The following IL33 variants were observed in gnomAD, a reference collection of about 807,000 sequenced individuals.
IL33 encodes the protein interleukin-33.
In IL33, 37 loss-of-function variants were observed where a neutral mutation model predicts 27.3. The observed-to-expected ratio is 1.36, with a 90% CI of 1.04 to 1.78. The LOEUF (loss-of-function observed/expected upper bound fraction) is 1.78, where lower values mean the gene tolerates loss of function less well. Among genes scored for constraint, IL33 ranks in the 40% most tolerant of loss-of-function variants. The pLI is 0.00. For missense variants in IL33, 406 were observed against 311.4 expected (o/e 1.30, Z -2.29); for synonymous variants, 132 against 102.9 (o/e 1.28, Z -1.71).
intron 1 of IL33, among the ~76,000 whole-genome samples, chr9:6,233,841 C>G (rs1467690149): frequency 6.6e-6 from 1 of 152,090 alleles, no homozygotes; most frequent in African/African-American, 2.4e-5. Flanking sequence ...TTTCTTTGTT[C>G]CCTTTCATTA....
rs376854757 is a variant in IL33 at position 6,252,958 on chromosome 9, T to C, written c.436T>C (p.Tyr146His). 1.9e-6 allele frequency: 3 copies of C among 1,579,072 alleles called. No homozygotes were observed. The highest frequency in any genetic ancestry group is 1.7e-6 in the Non-Finnish European group (2 of 1,154,064). Residue 146 changes from tyrosine to histidine, a missense_variant, in exon 5 of 8, where the codon TAT (tyrosine) becomes CAT (histidine). By Grantham distance (83) the Tyr-to-His change is moderately conservative. Transcript: ENST00000682010. The stretch of plus-strand genomic sequence containing the variant: ...TTTGGAGGATGAAAGTTATGAGATA[T>C]ATGTTGAAGACTTGAAAAAAGATGA... ...FALEDESYEI[Y>H]VEDLKKDEKK...
chr9:6,255,492 A>G (rs2130476768), intron 7 of IL33, among the ~76,000 whole-genome samples: 1 of 152,166 alleles, frequency 6.6e-6, no homozygotes, highest in East Asian at 1.9e-4. Context: ...TCTACAATGG[A>G]GTTGTTGTAT....
At chr9:6,254,680 T>G (rs899281217) in intron 7 of IL33, 127 bp downstream of exon 7, 1 of 444,736 alleles carries the variant, frequency 2.2e-6, no homozygotes, top group African/African-American at 2.0e-5. Context: ...TGCTATTGTA[T>G]ATAAAGCACA....
chr9:6,252,828 G>T (rs945671954), intron 4 of IL33, 38 bp from the exon 5 acceptor site: 8 of 1,587,716 alleles, frequency 5.0e-6, no homozygotes, highest in African/African-American at 1.4e-5. Context: ...GTTGCCAAAA[G>T]AATTGTGCCT....
intron 1 of IL33, among the ~76,000 whole-genome samples, chr9:6,240,110 C>CA (rs1317023830): frequency 6.6e-6 from 1 of 152,168 alleles, no homozygotes; most frequent in Admixed American, 6.5e-5. Context: ...CCACTATCTA[C>CA]AAAAAGAGTC....
At chr9:6,252,094 AACCAAC>A (rs1816429212) in intron 4 of IL33, among the ~76,000 whole-genome samples, 1 of 124,798 alleles carries the variant, frequency 8.0e-6, no homozygotes, top group Admixed American at 8.4e-5. Context: ...AAAACAAAAA[AACCAAC>A]TTTACCTGGA....
At chr9:6,218,743 G>GTTCTCCATATATATATA in intron 1 of IL33, among the ~76,000 whole-genome samples, 1 of 106,840 alleles carries the variant, frequency 9.4e-6, no homozygotes, top group South Asian at 3.0e-4. Flanking sequence ...ATATATATAT[G>GTTCTCCATATATATATA]TTCTCCATAT....
intron 1 of IL33, among the ~76,000 whole-genome samples, chr9:6,234,093 G>A (rs552130101): frequency 1.4e-3 from 219 of 151,978 alleles, no homozygotes; most frequent in Non-Finnish European, 2.4e-3. Context: ...TATTAACTTC[G>A]TTTCTCCTCT....
At chr9:6,227,527 G>A (rs1322429900) in intron 1 of IL33, among the ~76,000 whole-genome samples, 2 of 152,136 alleles carry the variant, frequency 1.3e-5, no homozygotes, top group African/African-American at 4.8e-5. Context: ...GTAAACTTAT[G>A]AAGCATATTT....
At chr9:6,241,946 G>A (rs1209159875) in intron 2 of IL33, among the ~76,000 whole-genome samples, 161 bp downstream of exon 2, 1 of 152,150 alleles carries the variant, frequency 6.6e-6, no homozygotes, top group Non-Finnish European at 1.5e-5. Context: ...ACAGCAGACT[G>A]GTTTTGAACC....
intron 4 of IL33, 136 bp from the exon 5 acceptor site, chr9:6,252,730 T>G (rs1321805086): frequency 3.1e-6 from 3 of 979,908 alleles, no homozygotes; most frequent in Non-Finnish European, 4.6e-6. Context: ...GTAAAACTTG[T>G]ATCAAAGGCT....
intron 1 of IL33, among the ~76,000 whole-genome samples, chr9:6,237,127 G>A (rs1239580171): frequency 6.6e-6 from 1 of 152,160 alleles, no homozygotes; most frequent in Non-Finnish European, 1.5e-5. Context: ...TCTGAGACCA[G>A]CACTTTATAA....
chr9:6,224,976 G>A (rs1418529454), intron 1 of IL33, among the ~76,000 whole-genome samples: 2 of 151,888 alleles, frequency 1.3e-5, no homozygotes, highest in Non-Finnish European at 2.9e-5. Flanking sequence ...CCTTTCCCCT[G>A]TGTATTTCTC....
intron 1 of IL33, among the ~76,000 whole-genome samples, chr9:6,233,895 C>T (rs534727156): frequency 6.6e-6 from 1 of 152,282 alleles, no homozygotes; most frequent in Non-Finnish European, 1.5e-5. Flanking sequence ...TCCTTCTCCA[C>T]TCTGCGCAGT....
At chr9:6,218,913 T>TTCTCC (rs1564044210) in intron 1 of IL33, among the ~76,000 whole-genome samples, 3 of 103,508 alleles carry the variant, frequency 2.9e-5, no homozygotes, top group Non-Finnish European at 4.2e-5. Flanking sequence ...TATATATATA[T>TTCTCC]ATATATATAT....
intron 1 of IL33, among the ~76,000 whole-genome samples, chr9:6,238,327 A>G (rs1819344499): frequency 6.6e-6 from 1 of 152,240 alleles, no homozygotes; most frequent in Non-Finnish European, 1.5e-5. Flanking sequence ...AAAAGGTAGG[A>G]GAATCAGAGG....
In IL33 at chr9:6,257,365, C is replaced by G. The variant is rs1195111167; in HGVS notation, c.*1197C>G. The G allele has an allele frequency of 6.6e-6, 1 of 152,494 alleles. No individual in the cohort carries two copies. Among genetic ancestry groups the G allele is most frequent in the African/African-American group, 2.4e-5 (1 of 41,444 alleles). The allele number at this position is 152,494 out of a possible 1,614,324, so 9.4% of individuals were successfully genotyped here. A position where few individuals can be genotyped will look rare whatever the true frequency, so the allele number is the denominator to read the frequency against. ...CCATGCCCTTGATATATCTTTTGCA[C>G]CTGCTGAACTTCATTTCTGTATCAC... On this transcript the variant is annotated 3_prime_UTR_variant, in exon 8 of 8. Transcript: ENST00000682010.
intron 1 of IL33, among the ~76,000 whole-genome samples, chr9:6,229,837 T>C (rs891761422): frequency 2.0e-5 from 3 of 152,074 alleles, no homozygotes; most frequent in Non-Finnish European, 2.9e-5. Flanking sequence ...ATTATATATA[T>C]AATAGATAAG....
At chr9:6,235,040 T>C (rs920224888) in intron 1 of IL33, among the ~76,000 whole-genome samples, 60 of 152,318 alleles carry the variant, frequency 3.9e-4, no homozygotes, top group African/African-American at 1.4e-3. Context: ...TTTTTCACTA[T>C]CTTTATTTTT....
Sources: allele counts gnomAD v4.1 joint callset (sites outside exome capture counted in the v4.1 genomes callset), GRCh38; gene constraint gnomAD v4.1.1; transcripts MANE v1.5; gene names NCBI Gene and HGNC (gene_info 2026-07-23, HGNC 2026-07-21).